The following ERC2 variants were observed in gnomAD, a reference collection of about 807,000 sequenced individuals.
ERC2 encodes ERC protein 2.
ERC2 carries 42 observed loss-of-function variants against 114.8 expected under a neutral mutation model. That is an observed-to-expected ratio of 0.37 (90% confidence interval 0.29 to 0.47). ERC2 has a LOEUF of 0.47. ERC2 is among the 20% of genes least tolerant of loss of function. The pLI is 0.99. For missense variants in ERC2, 939 were observed against 1,150.7 expected (o/e 0.82, Z 2.66); for synonymous variants, 454 against 425.5 (o/e 1.07, Z -0.82).
intron 3 of ERC2, among the ~76,000 whole-genome samples, chr3:56,175,027 C>T (rs1034834377): frequency 2.6e-5 from 4 of 151,694 alleles, no homozygotes; most frequent in Admixed American, 2.6e-4. Context: ...TGTCAGAACA[C>T]TCAAGACACA....
At chr3:56,242,213 G>T (rs2051368516) in intron 3 of ERC2, among the ~76,000 whole-genome samples, 1 of 152,080 alleles carries the variant, frequency 6.6e-6, no homozygotes, top group African/African-American at 2.4e-5. Flanking sequence ...AAGTAACTCA[G>T]GAATGGAAAA....
intron 17 of ERC2, among the ~76,000 whole-genome samples, chr3:55,557,489 GC>G: frequency 6.6e-6 from 1 of 152,320 alleles, no homozygotes; most frequent in African/African-American, 2.4e-5. Context: ...ACAGATATCA[GC>G]CTGCAAAGGA....
chr3:55,917,317 C>A (rs183280136), intron 13 of ERC2, among the ~76,000 whole-genome samples: 1 of 151,946 alleles, frequency 6.6e-6, no homozygotes, highest in South Asian at 2.1e-4. Context: ...CTTATAATGG[C>A]CAAAAGCAGA....
intron 13 of ERC2, among the ~76,000 whole-genome samples, chr3:55,949,122 C>A (rs779201125): frequency 6.6e-6 from 1 of 152,122 alleles, no homozygotes; most frequent in African/African-American, 2.4e-5. Context: ...GTAATCCCAG[C>A]ACTTTGGGAG....
At chr3:55,555,226 T>C (rs560847739) in intron 17 of ERC2, among the ~76,000 whole-genome samples, 2 of 152,346 alleles carry the variant, frequency 1.3e-5, no homozygotes, top group Admixed American at 1.3e-4. Context: ...ACTGTAAATG[T>C]TTATGAAAAA....
chr3:55,789,242 C>G (rs990126780), intron 14 of ERC2, among the ~76,000 whole-genome samples: 1 of 152,190 alleles, frequency 6.6e-6, no homozygotes, highest in Non-Finnish European at 1.5e-5. Context: ...AAAAGCAGAA[C>G]CCCCTAAAAG....
At chr3:56,150,388 C>T (rs1356161627) in intron 4 of ERC2, among the ~76,000 whole-genome samples, 1 of 152,058 alleles carries the variant, frequency 6.6e-6, no homozygotes, top group Non-Finnish European at 1.5e-5. Flanking sequence ...TTATCATTAA[C>T]ATTGTCATCA....
chr3:55,705,462 G>C (rs2063433089), intron 15 of ERC2, among the ~76,000 whole-genome samples: 1 of 152,178 alleles, frequency 6.6e-6, no homozygotes, highest in Non-Finnish European at 1.5e-5. Flanking sequence ...AAATGTATGT[G>C]AGATGAAAAT....
intron 16 of ERC2, among the ~76,000 whole-genome samples, chr3:55,687,172 C>T (rs1404896519): frequency 6.6e-6 from 1 of 152,164 alleles, no homozygotes; most frequent in Non-Finnish European, 1.5e-5. Context: ...TGATGACAAG[C>T]TCTAAAGGCA....
At position 55,991,981 on chromosome 3, in the gene ERC2, C is replaced by T. The variant is rs186333399; in HGVS notation, c.2255+76G>A. 500 of 1,325,314 alleles carry T rather than the reference C, an allele frequency of 3.8e-4. 2 individuals are homozygous for T. The highest frequency in any genetic ancestry group is 4.3e-4 in the Admixed American group (23 of 53,122). The allele number at this position is 1,325,314 out of a possible 1,614,324, so 82.1% of individuals were successfully genotyped here. ...GTAATATGAATGTACAGTCCAAATC[C>T]ACCACAACCGGAGATGGGCAACCAC... On this transcript the variant is annotated intron_variant, in intron 11 of 17. Transcript: ENST00000288221.
At chr3:55,634,431 A>G (rs2059877982) in intron 17 of ERC2, among the ~76,000 whole-genome samples, 1 of 152,186 alleles carries the variant, frequency 6.6e-6, no homozygotes, top group Admixed American at 6.5e-5. Context: ...TCCCGGCTGT[A>G]ACATAATCCT....
intron 3 of ERC2, among the ~76,000 whole-genome samples, chr3:56,273,258 CTTTCTTTTTTTT>C (rs1273799426): frequency 1.1e-5 from 1 of 94,742 alleles, no homozygotes; most frequent in African/African-American, 3.4e-5. Flanking sequence ...CTTTTTTTTT[CTTTCTTTTTTTT>C]TTTTTTTTGG....
At chr3:55,664,124 A>G (rs765969838) in intron 17 of ERC2, among the ~76,000 whole-genome samples, 7 of 152,146 alleles carry the variant, frequency 4.6e-5, no homozygotes, top group Non-Finnish European at 1.0e-4. Context: ...AGGAAATTCA[A>G]ATTTTACTGG....
At chr3:56,441,544 C>T (rs1377781752) in intron 1 of ERC2, among the ~76,000 whole-genome samples, 3 of 152,118 alleles carry the variant, frequency 2.0e-5, no homozygotes, top group Admixed American at 6.5e-5. Context: ...ATTGATAAAG[C>T]TTTTCAATGT....
chr3:55,545,879 G>A (rs895288125), intron 17 of ERC2, among the ~76,000 whole-genome samples: 27 of 152,320 alleles, frequency 1.8e-4, no homozygotes, highest in African/African-American at 6.0e-4. Context: ...GAACCCAAGG[G>A]GCGGGGGAAC....
rs186100160 is a variant in ERC2, at chr3:56,111,416, C to T, written c.1473+28093G>A. Among the ~76,000 whole-genome samples the T allele has an allele frequency of 3.2e-3, 484 of 151,612 alleles. 3 individuals are homozygous for T. Among genetic ancestry groups the T allele is most frequent in the African/African-American group, 0.011 (449 of 41,268 alleles). ...CTCCCTCTCTCTCTCTCAGTTCTAT[C>T]CCCCCCTCTCTCTCACCAGCTCCAA... On this transcript the variant is annotated intron_variant, in intron 6 of 17. Coordinates refer to ENST00000288221, the MANE Select transcript of ERC2 (RefSeq NM_015576.3).
intron 3 of ERC2, among the ~76,000 whole-genome samples, chr3:56,204,899 T>G (rs1171614907): frequency 2.0e-5 from 3 of 151,200 alleles, no homozygotes; most frequent in Non-Finnish European, 4.4e-5. Context: ...AAAAAAAGTT[T>G]TTTTTTTAAC....
chr3:55,927,981 A>G (rs936998269), intron 13 of ERC2, among the ~76,000 whole-genome samples: 3 of 152,222 alleles, frequency 2.0e-5, no homozygotes, highest in Admixed American at 6.5e-5. Context: ...GTGTATATGT[A>G]TCACATTTTC....
At chr3:56,298,027 A>G (rs1331062483) in intron 2 of ERC2, among the ~76,000 whole-genome samples, 1 of 152,244 alleles carries the variant, frequency 6.6e-6, no homozygotes, top group Non-Finnish European at 1.5e-5. Flanking sequence ...GCAGAGAAAG[A>G]AACTGATATG....
Sources: gnomAD v4.1 joint callset for allele counts (sites outside exome capture counted in the v4.1 genomes callset) on GRCh38, gnomAD v4.1.1 for gene constraint, MANE v1.5 for transcripts, NCBI Gene and HGNC (gene_info 2026-07-23, HGNC 2026-07-21) for gene names.